PACRG: variants seen among roughly 807,000 people sequenced by gnomAD.
PACRG encodes parkin coregulated.
In PACRG, 29 loss-of-function variants were observed where a neutral mutation model predicts 29.7. The ratio of observed to expected loss-of-function variants is 0.98; its 90% confidence interval spans 0.73 to 1.33. The LOEUF (loss-of-function observed/expected upper bound fraction) is 1.33, where lower values mean the gene tolerates loss of function less well. PACRG is among the 40% of genes most tolerant of loss of function. The pLI, the probability that PACRG is intolerant of heterozygous loss-of-function variation, is 0.00. For synonymous variants in PACRG, 116 were observed against 118.7 expected, an observed-to-expected ratio of 0.98 and a Z score of 0.15; for missense variants, 279 against 316.2, an observed-to-expected ratio of 0.88 and a Z score of 0.89.
chr6:162,731,295 A>G (rs1434221051), intron 1 of PACRG, among the ~76,000 whole-genome samples: 7 of 152,148 alleles, frequency 4.6e-5, no homozygotes, highest in African/African-American at 1.4e-4. Flanking sequence ...TAATACAGAT[A>G]TAGTCAGCTC....
intron 4 of PACRG, among the ~76,000 whole-genome samples, chr6:163,224,757 G>A (rs989339841): frequency 4.6e-5 from 7 of 152,148 alleles, no homozygotes; most frequent in East Asian, 1.9e-4. Flanking sequence ...GGAAAACTAC[G>A]TGACATTGGC....
intron 4 of PACRG, chr6:163,179,510 C>T: frequency 4.0e-6 from 1 of 252,236 alleles, no homozygotes; most frequent in Non-Finnish European, 8.0e-6. Flanking sequence ...TCCAGGCCAG[C>T]CTGGGCAACA....
chr6:163,270,006 A>AGGAG (rs140292182), intron 4 of PACRG, among the ~76,000 whole-genome samples: 10 of 84,280 alleles, frequency 1.2e-4, no homozygotes, highest in Non-Finnish European at 1.7e-4. Context: ...AAAGAAAGAA[A>AGGAG]GGAGGGAGGG....
intron 2 of PACRG, among the ~76,000 whole-genome samples, chr6:162,960,727 A>G (rs1047245886): frequency 1.3e-5 from 2 of 152,214 alleles, no homozygotes; most frequent in African/African-American, 4.8e-5. Flanking sequence ...CTAAAATAAA[A>G]GTAGAATTAA....
At chr6:163,258,186 A>C (rs761553747) in intron 4 of PACRG, among the ~76,000 whole-genome samples, 8 of 152,206 alleles carry the variant, frequency 5.3e-5, no homozygotes, top group Non-Finnish European at 8.8e-5. Context: ...ATCATGGTAG[A>C]AAAAGTAGAA....
At chr6:162,951,794 G>T (rs572727276) in intron 2 of PACRG, among the ~76,000 whole-genome samples, 1 of 152,254 alleles carries the variant, frequency 6.6e-6, no homozygotes, top group Admixed American at 6.5e-5. Flanking sequence ...TCAGCTGATG[G>T]TTTTTTAAAA....
At chr6:163,002,349 CA>C (rs1804667955) in intron 2 of PACRG, among the ~76,000 whole-genome samples, 2 of 152,180 alleles carry the variant, frequency 1.3e-5, no homozygotes, top group Non-Finnish European at 2.9e-5. Context: ...GACGGTCAGT[CA>C]GACTCATCTG....
intron 1 of PACRG, among the ~76,000 whole-genome samples, chr6:162,760,292 A>G (rs1318225396): frequency 1.3e-5 from 2 of 152,204 alleles, no homozygotes; most frequent in African/African-American, 4.8e-5. Flanking sequence ...ATCCAAACAT[A>G]AACAAAGGCA....
intron 2 of PACRG, among the ~76,000 whole-genome samples, chr6:163,005,846 CGTGTT>C (rs1805022260): frequency 2.0e-5 from 3 of 146,470 alleles, no homozygotes; most frequent in African/African-American, 5.0e-5. Context: ...CATAGTTATA[CGTGTT>C]ATATATATAC....
At chr6:163,202,199 T>C (rs9458748) in intron 4 of PACRG, among the ~76,000 whole-genome samples, 40,499 of 151,972 alleles carry the variant, frequency 0.27, 5,661 homozygotes, top group East Asian at 0.41. Flanking sequence ...TGCTTCCGTG[T>C]CCACTGGTCA....
intron 2 of PACRG, among the ~76,000 whole-genome samples, chr6:162,854,919 C>T (rs1477140208): frequency 6.6e-6 from 1 of 152,224 alleles, no homozygotes; most frequent in Non-Finnish European, 1.5e-5. Flanking sequence ...AGCGTTTCTT[C>T]CGCCCTTCCT....
intron 2 of PACRG, among the ~76,000 whole-genome samples, chr6:162,941,151 T>G (rs958019301): frequency 6.6e-6 from 1 of 152,080 alleles, no homozygotes; most frequent in South Asian, 2.1e-4. Flanking sequence ...GTTACCCTCT[T>G]CTCTAATATT....
intron 1 of PACRG, among the ~76,000 whole-genome samples, chr6:162,761,955 A>ACC (rs764836965): frequency 1.4e-4 from 14 of 96,782 alleles, no homozygotes; most frequent in Non-Finnish European, 2.2e-4. Context: ...AAAAAAAAGA[A>ACC]ACCCCCCCCC....
At chr6:163,062,432 G>C (rs1258557053) in intron 3 of PACRG, 111 bp downstream of exon 3, 2 of 1,257,184 alleles carry the variant, frequency 1.6e-6, no homozygotes, top group African/African-American at 3.0e-5. Context: ...AGTTTTGCAG[G>C]AATTTTCATA....
Position 162,799,546 on chromosome 6 carries a change from G to A in PACRG, c.157-14601G>A, listed in dbSNP as rs1442801329. On this transcript the variant is annotated intron_variant, in intron 1 of 4. Transcript: ENST00000366888. ...TTGGAGTTTCTAAATCATAATCAGA[G>A]TATTTCATAGCTCTGTAAATTGTGT... Among the ~76,000 whole-genome samples the A allele has an allele frequency of 2.0e-5, 3 of 151,926 alleles. No homozygotes were observed. In the South Asian group the frequency reaches 6.2e-4, roughly 32 times the overall value.
chr6:163,227,399 G>A (rs1324392113), intron 4 of PACRG, among the ~76,000 whole-genome samples: 1 of 152,206 alleles, frequency 6.6e-6, no homozygotes, highest in Non-Finnish European at 1.5e-5. Context: ...CCTCCCACCA[G>A]GCCTCGCCTC....
chr6:162,743,394 CCCA>C (rs1426844196), intron 1 of PACRG, among the ~76,000 whole-genome samples: 8 of 152,046 alleles, frequency 5.3e-5, no homozygotes. Flanking sequence ...TTGAATTATT[CCCA>C]CATCTCTACA....
chr6:163,098,600 T>C (rs1161807021), intron 4 of PACRG, among the ~76,000 whole-genome samples: 1 of 152,168 alleles, frequency 6.6e-6, no homozygotes, highest in Non-Finnish European at 1.5e-5. Context: ...ATGTGTGCTT[T>C]TGTTACAGGA....
chr6:163,039,712 T>C (rs1448431310), intron 2 of PACRG, among the ~76,000 whole-genome samples: 1 of 152,216 alleles, frequency 6.6e-6, no homozygotes, highest in African/African-American at 2.4e-5. Context: ...TTGAGAGAGA[T>C]GATTTAGGGC....
Sources: gnomAD v4.1 joint callset for allele counts (sites outside exome capture counted in the v4.1 genomes callset) on GRCh38, gnomAD v4.1.1 for gene constraint, MANE v1.5 for transcripts, NCBI Gene and HGNC (gene_info 2026-07-23, HGNC 2026-07-21) for gene names.